TASOR2: variants seen among roughly 807,000 people sequenced by gnomAD.
TASOR2 encodes transcription activation suppressor family member 2, also known as protein TASOR 2.
A neutral mutation model predicts 199.5 loss-of-function variants in TASOR2; 84 were observed. The observed-to-expected ratio is 0.42, with a 90% CI of 0.35 to 0.50. The LOEUF (loss-of-function observed/expected upper bound fraction) is 0.50. Ranked by LOEUF, TASOR2 falls within the 20% of genes least tolerant of loss-of-function variation. The pLI is 0.02. For missense variants in TASOR2, 2,796 were observed against 2,835.9 expected, an observed-to-expected ratio of 0.99 and a Z score of 0.32; for synonymous variants, 1,103 against 1,046.6, an observed-to-expected ratio of 1.05 and a Z score of -1.04.
chr10:5,694,397 G>A (rs142010230), intron 1 of TASOR2, among the ~76,000 whole-genome samples: 19 of 152,136 alleles, frequency 1.2e-4, no homozygotes, highest in African/African-American at 4.1e-4. Flanking sequence ...TGTATAACAG[G>A]CACTGTTCTG....
chr10:5,734,327 G>A (rs531673543), intron 11 of TASOR2, among the ~76,000 whole-genome samples: 1 of 152,172 alleles, frequency 6.6e-6, no homozygotes, highest in Admixed American at 6.5e-5. Context: ...CATTGTGTAA[G>A]ATAGTAGATT....
chr10:5,755,024 C>A (rs1256154532), intron 15 of TASOR2, among the ~76,000 whole-genome samples: 4 of 107,592 alleles, frequency 3.7e-5, no homozygotes, highest in African/African-American at 1.1e-4. Context: ...CCAGCCTGGG[C>A]AACAGAGCAA....
rs550117967 is a variant in TASOR2, at chr10:5,727,617, A to C, written c.487+494A>C. Reference sequence around the variant, plus strand: ...ATATGCAGTGTATATCTGGTATTAAAATTTTGGAGGTCAATATGGGGGAAA... The same window carrying C: ...ATATGCAGTGTATATCTGGTATTAACATTTTGGAGGTCAATATGGGGGAAA... On this transcript the variant is annotated intron_variant, in intron 10 of 20. Coordinates refer to ENST00000328090, the Ensembl canonical transcript of TASOR2. Among the ~76,000 whole-genome samples the C allele has an allele frequency of 2.0e-5, 3 of 152,258 alleles. No homozygotes were observed. In the South Asian group the frequency reaches 6.2e-4, roughly 32 times the overall value.
In TASOR2 at chr10:5,730,713, A is replaced by G. The variant is rs1834695714; in HGVS notation, c.714A>G (p.Lys238=). 4 of 1,614,196 alleles carry G rather than the reference A, an allele frequency of 2.5e-6. No individual in the cohort carries two copies. Among genetic ancestry groups the G allele is most frequent in the Middle Eastern group, 1.6e-4 (1 of 6,062 alleles). ...TGAAAGACCCTACATTCTTGGGGAA[A>G]CTGCCCAGTGGTTTTGACTTGATTC... Residue 238 remains lysine (K), a synonymous_variant, in exon 11 of 21, where the codon AAA becomes AAG. Transcript: ENST00000328090. This position sits in a 1 kb window ranked among gnomAD's most constrained non-coding sequence, Gnocchi z 4.1.
intron 12 of TASOR2, 46 bp from the exon 14 acceptor site, chr10:5,739,572 C>T (rs1836091343): frequency 6.5e-7 from 1 of 1,547,990 alleles, no homozygotes; most frequent in Non-Finnish European, 8.7e-7. Flanking sequence ...AGAGTTAATT[C>T]TATGACAAGC....
Position 5,719,354 on chromosome 10 carries a change from T to G in TASOR2, c.-99-1190T>G, listed in dbSNP as rs565807184. 1.1e-4 allele frequency among the ~76,000 whole-genome samples: 16 copies of G among 152,290 alleles called. No individual in the cohort carries two copies. The highest frequency in any genetic ancestry group is 9.8e-4 in the Admixed American group (15 of 15,294). On this transcript the variant is annotated intron_variant, in intron 3 of 20. Coordinates refer to ENST00000328090, the Ensembl canonical transcript of TASOR2. The surrounding 1 kb of genome is among the most constrained non-coding windows in gnomAD (Gnocchi z 4.1). ...CTTGCTTTTTATTTTTTTGTTTGTTTGTTTTTTGAGACAGAGTCTTGCTCT... is the reference window on the plus strand; with the variant it reads ...CTTGCTTTTTATTTTTTTGTTTGTTGGTTTTTTGAGACAGAGTCTTGCTCT...
chr10:5,743,231 C>T (rs1300958354), intron 14 of TASOR2, among the ~76,000 whole-genome samples: 3 of 152,178 alleles, frequency 2.0e-5, no homozygotes, highest in Non-Finnish European at 4.4e-5. Context: ...ATCTCTGATT[C>T]CTGTCTTAAG....
chr10:5,755,928 G>A (rs1378643269), intron 15 of TASOR2, among the ~76,000 whole-genome samples: 1 of 152,056 alleles, frequency 6.6e-6, no homozygotes, highest in Non-Finnish European at 1.5e-5. Context: ...GGAGGTCAAA[G>A]CTGCAGTGAG....
At position 5,754,463 on chromosome 10, in the gene TASOR2, C is replaced by T. The variant is rs1217617542; in HGVS notation, c.6607-2150C>T. Among the ~76,000 whole-genome samples the T allele has an allele frequency of 1.3e-5, 2 of 151,906 alleles. No individual in the cohort carries two copies. Among genetic ancestry groups the T allele is most frequent in the African/African-American group, 4.8e-5 (2 of 41,322 alleles). ...GGAGTGCAGTGGCGCGATCTCAGCT[C>T]ACTGCAGCCTCCGTCTTCTGGTTTC... On this transcript the variant is annotated intron_variant, in intron 15 of 20. Coordinates refer to ENST00000328090, the Ensembl canonical transcript of TASOR2. The surrounding 1 kb of genome is among the most constrained non-coding windows in gnomAD (Gnocchi z 4.3).
Position 5,734,716 on chromosome 10 carries a change from A to AT in TASOR2, c.1205-558dup, listed in dbSNP as rs140600979. Among the ~76,000 whole-genome samples, 64 of 54,196 alleles carry AT rather than the reference A, an allele frequency of 1.2e-3. 4 individuals are homozygous for AT. Among genetic ancestry groups the AT allele is most frequent in the Middle Eastern group, 0.013 (1 of 76 alleles). 35.6% of individuals were successfully genotyped at this position (54,196 alleles called of 152,430 possible). On this transcript the variant is annotated intron_variant, in intron 11 of 20. Transcript: ENST00000328090. ...ACATTAGTCAGGAAAGGTTATGAAGATTTTTTTTTTTTTTTTTTTTTTTTT... is the reference window on the plus strand; with the variant it reads ...ACATTAGTCAGGAAAGGTTATGAAGATTTTTTTTTTTTTTTTTTTTTTTTTT...
intron 2 of TASOR2, among the ~76,000 whole-genome samples, chr10:5,715,261 A>G (rs992758341): frequency 6.7e-6 from 1 of 150,358 alleles, no homozygotes; most frequent in Non-Finnish European, 1.5e-5. Flanking sequence ...TTGAGATATA[A>G]TTCACAATTA....
At chr10:5,721,785 C>CT (rs1833389581) in intron 6 of TASOR2, among the ~76,000 whole-genome samples, 1 of 152,186 alleles carries the variant, frequency 6.6e-6, no homozygotes, top group South Asian at 2.1e-4. Flanking sequence ...TTCCCCACTA[C>CT]TTGCTTATTA....
rs1247648491 is a variant in TASOR2 at position 5,738,423 on chromosome 10, T to G, written c.1448-1195T>G. Among the ~76,000 whole-genome samples, 2 of 152,222 alleles carry G rather than the reference T, an allele frequency of 1.3e-5. No individual in the cohort carries two copies. The highest frequency in any genetic ancestry group is 6.5e-5 in the Admixed American group (1 of 15,284). On this transcript the variant is annotated intron_variant, in intron 12 of 20. Coordinates refer to ENST00000328090, the Ensembl canonical transcript of TASOR2. The surrounding 1 kb of genome is among the most constrained non-coding windows in gnomAD (Gnocchi z 4.7). Reference sequence around the variant, plus strand: ...TGGAGGCCATAATATTAACAAAGAATGAAATTAGCATCAGATCACAAAATT... The same window carrying G: ...TGGAGGCCATAATATTAACAAAGAAGGAAATTAGCATCAGATCACAAAATT...
At chr10:5,745,600 C>T (rs946095452) in intron 14 of TASOR2, among the ~76,000 whole-genome samples, 5 of 151,942 alleles carry the variant, frequency 3.3e-5, no homozygotes, top group African/African-American at 9.7e-5. Flanking sequence ...GCCAACGTGG[C>T]TAAACCTCAT....
intron 1 of TASOR2, among the ~76,000 whole-genome samples, chr10:5,688,502 A>C (rs1836052217): frequency 7.0e-6 from 1 of 143,392 alleles, no homozygotes. Flanking sequence ...CTCTCAAAGC[A>C]CTGGGACTAT....
At position 5,704,117 on chromosome 10, in the gene TASOR2, G is replaced by A. The variant is rs148228276; in HGVS notation, c.-287-8706G>A. 3.3e-3 allele frequency among the ~76,000 whole-genome samples: 501 copies of A among 151,738 alleles called. 3 individuals are homozygous for A. The highest frequency in any genetic ancestry group is 0.014 in the Middle Eastern group (4 of 294). On this transcript the variant is annotated intron_variant, in intron 1 of 20. Coordinates refer to ENST00000328090, the Ensembl canonical transcript of TASOR2. The stretch of plus-strand genomic sequence containing the variant: ...TGGGCGCCTGTCATCCCAGTTACTC[G>A]GGAGGCTGAGGCAGGAGAATCACTT...
In TASOR2 at chr10:5,728,962, A is replaced by T. The variant is rs146146729; in HGVS notation, c.488-1525A>T. On this transcript the variant is annotated intron_variant, in intron 10 of 20. Coordinates refer to ENST00000328090, the Ensembl canonical transcript of TASOR2. ...TAAACTATAAAGTTTCAGGTATTTC[A>T]TTAAAAGATTTTAACAAAGCGCAAG... is the stretch of plus-strand genomic sequence containing the variant. Among the ~76,000 whole-genome samples the T allele has an allele frequency of 3.3e-3, 504 of 151,678 alleles. 1 individual carries two copies. Among genetic ancestry groups the T allele is most frequent in the African/African-American group, 0.012 (481 of 41,300 alleles).
rs577578266 is a variant in TASOR2 at position 5,719,613 on chromosome 10, G to T, written c.-99-931G>T. 3.9e-5 allele frequency among the ~76,000 whole-genome samples: 6 copies of T among 152,064 alleles called. No individual in the cohort carries two copies. Among genetic ancestry groups the T allele is most frequent in the Non-Finnish European group, 1.5e-5 (1 of 67,998 alleles). On this transcript the variant is annotated intron_variant, in intron 3 of 20. Coordinates refer to ENST00000328090, the Ensembl canonical transcript of TASOR2. The surrounding 1 kb of genome is among the most constrained non-coding windows in gnomAD (Gnocchi z 4.1). Reference sequence around the variant, plus strand: ...CCGCCTCGGCCTCCCAAAGTGCTGGGTTACAGTTGTGAGCCACTGTGCCCA... The same window carrying T: ...CCGCCTCGGCCTCCCAAAGTGCTGGTTTACAGTTGTGAGCCACTGTGCCCA...
At position 5,738,772 on chromosome 10, in the gene TASOR2, C is replaced by CT. The variant is rs35247909; in HGVS notation, c.1448-845dup. Among the ~76,000 whole-genome samples, 129,150 of 152,234 alleles carry CT rather than the reference C, an allele frequency of 0.85. 54,858 individuals are homozygous for CT. Among genetic ancestry groups the CT allele is most frequent in the African/African-American group, 0.88 (36,376 of 41,544 alleles). ...TCTACCTGCAGCAGGGAATCATTGC[C>CT]TAGCAGAGTTGTGAAGTTTATCCTT... On this transcript the variant is annotated intron_variant, in intron 12 of 20. Transcript: ENST00000328090. This position sits in a 1 kb window ranked among gnomAD's most constrained non-coding sequence, Gnocchi z 4.7.
Sources: allele counts gnomAD v4.1 joint callset (sites outside exome capture counted in the v4.1 genomes callset), GRCh38; gene constraint gnomAD v4.1.1; non-coding constraint Gnocchi (gnomAD v3.1); transcripts MANE v1.5; gene names NCBI Gene and HGNC (gene_info 2026-07-23, HGNC 2026-07-21).